The following SRBD1 variants were observed in gnomAD, a reference collection of about 807,000 sequenced individuals.
SRBD1 encodes the protein S1 RNA binding domain 1, also known as S1 RNA-binding domain-containing protein 1.
A neutral mutation model predicts 115.3 loss-of-function variants in SRBD1; 88 were observed. The observed-to-expected ratio is 0.76, with a 90% CI of 0.64 to 0.91. The LOEUF (loss-of-function observed/expected upper bound fraction) is 0.91. SRBD1 is among the 40% of genes least tolerant of loss of function. SRBD1 has a pLI of 0.00. For missense variants in SRBD1, 1,385 were observed against 1,177.4 expected (o/e 1.18, Z -2.58); for synonymous variants, 509 against 407.7 (o/e 1.25, Z -2.99).
chr2:45,477,966 C>CT (rs61688104), intron 15 of SRBD1, among the ~76,000 whole-genome samples: 27,311 of 147,778 alleles, frequency 0.18, 4,990 homozygotes, highest in African/African-American at 0.48. Flanking sequence ...ATTTATTGTC[C>CT]TTTTTTTTTT....
Position 45,599,437 on chromosome 2 carries a change from G to C in SRBD1, c.648+12C>G. ...CAAAACAACTAAAGTGACAGAAAAA[G>C]GCTGCACATACCTGTACCATGTCCC... On this transcript the variant is annotated intron_variant, in intron 4 of 20. Coordinates refer to ENST00000263736, the MANE Select transcript of SRBD1 (RefSeq NM_018079.5). 1.2e-6 allele frequency: 2 copies of C among 1,603,804 alleles called. No homozygotes were observed. The highest frequency in any genetic ancestry group is 8.5e-7 in the Non-Finnish European group (1 of 1,174,442).
At chr2:45,546,192 A>G in intron 14 of SRBD1, 1 of 985,476 alleles carries the variant, frequency 1.0e-6, no homozygotes, top group Non-Finnish European at 1.2e-6. Context: ...AGACTAGAGA[A>G]ATTGGGTCTT....
At chr2:45,544,163 G>A (rs1252151211) in intron 14 of SRBD1, among the ~76,000 whole-genome samples, 1 of 150,434 alleles carries the variant, frequency 6.6e-6, no homozygotes. Context: ...AACCTGGGAG[G>A]TGGAGCTTGC....
At chr2:45,587,807 T>A (rs959271424) in intron 4 of SRBD1, among the ~76,000 whole-genome samples, 5 of 152,226 alleles carry the variant, frequency 3.3e-5, no homozygotes. Context: ...CTAGACTCAT[T>A]TAGCTAACTA....
At chr2:45,426,990 G>C (rs913199407) in intron 16 of SRBD1, among the ~76,000 whole-genome samples, 1 of 152,202 alleles carries the variant, frequency 6.6e-6, no homozygotes, top group African/African-American at 2.4e-5. Flanking sequence ...AAACTGGATG[G>C]AGAATTAATT....
intron 3 of SRBD1, among the ~76,000 whole-genome samples, chr2:45,601,378 C>G (rs1215091221): frequency 6.6e-6 from 1 of 152,094 alleles, no homozygotes; most frequent in Non-Finnish European, 1.5e-5. Context: ...AATATTAAAC[C>G]AGCACTCTGG....
chr2:45,542,444 T>C (rs1671975035), intron 14 of SRBD1, among the ~76,000 whole-genome samples: 1 of 152,212 alleles, frequency 6.6e-6, no homozygotes, highest in African/African-American at 2.4e-5. Context: ...GGGGCTCCTC[T>C]GCCCCACTAA....
At chr2:45,464,887 A>G (rs1447156072) in intron 16 of SRBD1, among the ~76,000 whole-genome samples, 1 of 152,142 alleles carries the variant, frequency 6.6e-6, no homozygotes, top group Non-Finnish European at 1.5e-5. Flanking sequence ...AAAAAAGGCT[A>G]TTTATGAAAT....
chr2:45,543,420 G>A (rs1409101133), intron 14 of SRBD1, among the ~76,000 whole-genome samples: 1 of 152,206 alleles, frequency 6.6e-6, no homozygotes, highest in Non-Finnish European at 1.5e-5. Context: ...ATGGCAGCAT[G>A]TCAGGGCAAA....
chr2:45,579,643 A>G (rs560592364), intron 7 of SRBD1, among the ~76,000 whole-genome samples: 3 of 152,194 alleles, frequency 2.0e-5, no homozygotes, highest in African/African-American at 4.8e-5. Flanking sequence ...ATAATTTTAA[A>G]AAGAACAATA....
intron 16 of SRBD1, among the ~76,000 whole-genome samples, chr2:45,424,814 G>A (rs1668105026): frequency 6.6e-6 from 1 of 152,110 alleles, no homozygotes; most frequent in South Asian, 2.1e-4. Flanking sequence ...TTCAATAATG[G>A]CAAATGAAAT....
At chr2:45,442,334 T>C (rs533141668) in intron 16 of SRBD1, among the ~76,000 whole-genome samples, 1 of 152,262 alleles carries the variant, frequency 6.6e-6, no homozygotes, top group South Asian at 2.1e-4. Context: ...AATTAATAGA[T>C]ATGGGAAAAA....
At chr2:45,585,526 A>C in intron 5 of SRBD1, 82 bp downstream of exon 5, 7 of 1,435,716 alleles carry the variant, frequency 4.9e-6, no homozygotes, top group Non-Finnish European at 6.6e-6. Context: ...GAAATTGTCA[A>C]ATATACCGTC....
intron 15 of SRBD1, among the ~76,000 whole-genome samples, chr2:45,478,764 G>A (rs1023587597): frequency 6.6e-6 from 1 of 152,108 alleles, no homozygotes; most frequent in Non-Finnish European, 1.5e-5. Flanking sequence ...AAAATACTCT[G>A]AGTAAAAACA....
chr2:45,512,810 G>A (rs907812953), intron 14 of SRBD1, among the ~76,000 whole-genome samples: 2 of 152,086 alleles, frequency 1.3e-5, no homozygotes, highest in Admixed American at 6.5e-5. Flanking sequence ...TGGAATTTGT[G>A]TAAGTGAATA....
chr2:45,502,440 A>T (rs558961258), intron 14 of SRBD1, among the ~76,000 whole-genome samples: 79 of 152,342 alleles, frequency 5.2e-4, no homozygotes, highest in African/African-American at 1.7e-3. Flanking sequence ...CCAAATGTCC[A>T]TCAATGATAG....
chr2:45,574,496 CAA>C (rs1462306179), intron 8 of SRBD1, 129 bp downstream of exon 8: 1 of 734,034 alleles, frequency 1.4e-6, no homozygotes, highest in Non-Finnish European at 2.2e-6. Context: ...GTTGTTTGAA[CAA>C]AGAGTTTTGC....
chr2:45,579,222 T>C (rs1558491128), intron 7 of SRBD1, among the ~76,000 whole-genome samples: 1 of 152,226 alleles, frequency 6.6e-6, no homozygotes, highest in East Asian at 1.9e-4. Flanking sequence ...CCCTCTCTTA[T>C]TCTCTGTTGT....
At chr2:45,556,620 G>A (rs1018795536) in intron 10 of SRBD1, among the ~76,000 whole-genome samples, 6 of 151,748 alleles carry the variant, frequency 4.0e-5, no homozygotes, top group South Asian at 2.1e-4. Flanking sequence ...GCGCCATCCC[G>A]CCCAGCTAAT....
Sources: gnomAD v4.1 joint callset for allele counts (sites outside exome capture counted in the v4.1 genomes callset) on GRCh38, gnomAD v4.1.1 for gene constraint, MANE v1.5 for transcripts, NCBI Gene and HGNC (gene_info 2026-07-23, HGNC 2026-07-21) for gene names.